The following EYS variants were observed in gnomAD, a reference collection of about 807,000 sequenced individuals.
EYS encodes the protein EGF-like photoreceptor maintenance factor.
EYS carries 250 observed loss-of-function variants against 282.1 expected under a neutral mutation model. That is an observed-to-expected ratio of 0.89 (90% CI 0.80 to 0.98). The LOEUF is 0.98. EYS is among the 50% of genes least tolerant of loss of function. EYS has a pLI of 0.00. For missense variants in EYS, 4,016 were observed against 3,709.0 expected (o/e 1.08, Z -2.15); for synonymous variants, 1,355 against 1,282.9 (o/e 1.06, Z -1.20).
chr6:64,659,540 A>C (rs1013184321), intron 22 of EYS, among the ~76,000 whole-genome samples: 2 of 152,094 alleles, frequency 1.3e-5, no homozygotes, highest in African/African-American at 4.8e-5. Flanking sequence ...GCAATAAAAA[A>C]TGATAAAGGG....
chr6:64,566,202 A>T (rs1765563417), intron 26 of EYS, among the ~76,000 whole-genome samples: 1 of 152,192 alleles, frequency 6.6e-6, no homozygotes, highest in Non-Finnish European at 1.5e-5. Flanking sequence ...AGTTTACCTT[A>T]TCTCACTAAT....
At chr6:65,687,795 A>G (rs1402958386) in intron 1 of EYS, among the ~76,000 whole-genome samples, 1 of 152,196 alleles carries the variant, frequency 6.6e-6, no homozygotes, top group African/African-American at 2.4e-5. Flanking sequence ...ATAACAGACA[A>G]ACGCAGAGCC....
At chr6:64,927,900 C>T (rs1011221963) in intron 15 of EYS, among the ~76,000 whole-genome samples, 2 of 151,874 alleles carry the variant, frequency 1.3e-5, no homozygotes, top group Non-Finnish European at 2.9e-5. Context: ...AATAGTTTAT[C>T]AGAAATTATT....
intron 33 of EYS, among the ~76,000 whole-genome samples, chr6:64,018,291 T>C (rs996781809): frequency 6.6e-6 from 1 of 152,202 alleles, no homozygotes; most frequent in Non-Finnish European, 1.5e-5. Context: ...GACCTAGATA[T>C]AGTATAAACC....
At chr6:64,857,118 C>T (rs977450785) in intron 19 of EYS, among the ~76,000 whole-genome samples, 8 of 152,112 alleles carry the variant, frequency 5.3e-5, no homozygotes, top group Non-Finnish European at 8.8e-5. Context: ...GTTCTCTAGT[C>T]TGTTCCATTG....
intron 36 of EYS, among the ~76,000 whole-genome samples, chr6:63,852,032 C>T (rs1192445157): frequency 3.3e-5 from 5 of 151,340 alleles, no homozygotes; most frequent in African/African-American, 1.2e-4. Context: ...TGGCGGGCAC[C>T]TGTAGTCCCA....
intron 5 of EYS, among the ~76,000 whole-genome samples, chr6:65,473,543 C>G (rs890364184): frequency 6.6e-6 from 1 of 151,690 alleles, no homozygotes; most frequent in Non-Finnish European, 1.5e-5. Context: ...TACTAAAGAA[C>G]AAAAATTTAT....
intron 18 of EYS, among the ~76,000 whole-genome samples, chr6:64,887,319 T>C (rs969572138): frequency 6.7e-6 from 1 of 150,360 alleles, no homozygotes; most frequent in Non-Finnish European, 1.5e-5. Context: ...TTGGGAGAGA[T>C]ACCTAATATT....
intron 12 of EYS, among the ~76,000 whole-genome samples, chr6:65,123,982 T>C (rs187415192): frequency 4.7e-5 from 7 of 148,276 alleles, no homozygotes; most frequent in Admixed American, 4.0e-4. Flanking sequence ...GAGTTCAAGA[T>C]CAGCCTGGGC....
chr6:63,757,925 G>C (rs887069746), intron 41 of EYS, among the ~76,000 whole-genome samples: 4 of 152,134 alleles, frequency 2.6e-5, no homozygotes, highest in African/African-American at 9.7e-5. Flanking sequence ...TTTAGATACA[G>C]GGTCTCATTC....
intron 2 of EYS, among the ~76,000 whole-genome samples, chr6:65,522,165 T>C (rs1030209752): frequency 2.0e-5 from 3 of 152,220 alleles, no homozygotes; most frequent in Non-Finnish European, 4.4e-5. Context: ...TTAGATTTCA[T>C]TCTACTTGAA....
At chr6:64,367,742 T>C (rs772689957) in intron 29 of EYS, among the ~76,000 whole-genome samples, 40 of 152,232 alleles carry the variant, frequency 2.6e-4, no homozygotes, top group South Asian at 8.3e-4. Flanking sequence ...GCTGTACTTA[T>C]GCAACGGCAG....
rs192078442 is a variant in EYS, at chr6:63,903,000, A to C, written c.7056-38642T>G. ...GTACTAAATGTCACCTAGGAGAAGG[A>C]AAGAGTGAATAGCTTTGGGAAATTT... is the stretch of plus-strand genomic sequence containing the variant. On this transcript the variant is annotated intron_variant, in intron 35 of 42. Transcript: ENST00000503581. Among the ~76,000 whole-genome samples, 272 of 152,320 alleles carry C rather than the reference A, an allele frequency of 1.8e-3. 1 individual carries two copies. Among genetic ancestry groups the C allele is most frequent in the African/African-American group, 6.2e-3 (258 of 41,568 alleles).
intron 22 of EYS, among the ~76,000 whole-genome samples, chr6:64,674,645 C>CT (rs772781022): frequency 3.6e-4 from 55 of 151,924 alleles, no homozygotes; most frequent in Admixed American, 1.9e-3. Context: ...AAGTCCTTGG[C>CT]TTATCTTGCT....
chr6:64,448,139 A>T (rs923016612), intron 26 of EYS, among the ~76,000 whole-genome samples: 2 of 152,180 alleles, frequency 1.3e-5, no homozygotes, highest in Non-Finnish European at 2.9e-5. Flanking sequence ...GCACCTGGAA[A>T]ATCGGGTAAC....
At chr6:65,331,017 CATT>C in intron 11 of EYS, 1 of 984,172 alleles carries the variant, frequency 1.0e-6, no homozygotes, top group Non-Finnish European at 1.2e-6. Flanking sequence ...TCTGTTGACC[CATT>C]ATTATTTTTT....
intron 12 of EYS, among the ~76,000 whole-genome samples, chr6:65,272,960 C>A (rs1767944693): frequency 6.6e-6 from 1 of 152,132 alleles, no homozygotes; most frequent in African/African-American, 2.4e-5. Flanking sequence ...AGTGCTCTTG[C>A]ATTTTGGGGC....
At chr6:65,562,196 T>C (rs1260654374) in intron 2 of EYS, among the ~76,000 whole-genome samples, 3 of 152,130 alleles carry the variant, frequency 2.0e-5, no homozygotes, top group African/African-American at 7.2e-5. Context: ...AATTTGACAT[T>C]TTATATTTGC....
chr6:63,863,675 C>CTTTTT (rs1284326554), intron 36 of EYS, among the ~76,000 whole-genome samples: 9 of 60,040 alleles, frequency 1.5e-4, no homozygotes, highest in African/African-American at 3.4e-4. Flanking sequence ...TTTCTTTTTT[C>CTTTTT]TTTTTTTTTT....
Sources: gnomAD v4.1 joint callset for allele counts (sites outside exome capture counted in the v4.1 genomes callset) on GRCh38, gnomAD v4.1.1 for gene constraint, MANE v1.5 for transcripts, NCBI Gene and HGNC (gene_info 2026-07-23, HGNC 2026-07-21) for gene names.